The following AP3B1 variants were observed in gnomAD, a reference collection of about 807,000 sequenced individuals.
AP3B1 encodes adaptor related protein complex 3 subunit beta 1.
Under a neutral mutation model 132.5 loss-of-function variants are expected in AP3B1, and 61 were observed. That is an observed-to-expected ratio of 0.46 (90% CI 0.37 to 0.57). The LOEUF (loss-of-function observed/expected upper bound fraction) is 0.57, where lower values mean the gene tolerates loss of function less well. AP3B1 is among the 20% of genes least tolerant of loss of function. The pLI, the probability that AP3B1 is intolerant of heterozygous loss-of-function variation, is 0.00. For synonymous variants in AP3B1, 388 were observed against 438.3 expected (o/e 0.89, Z 1.43); for missense variants, 1,120 against 1,289.4 (o/e 0.87, Z 2.01).
At chr5:78,199,009 C>T (rs187387579) in intron 7 of AP3B1, among the ~76,000 whole-genome samples, 1 of 152,248 alleles carries the variant, frequency 6.6e-6, no homozygotes, top group Admixed American at 6.5e-5. Context: ...CTATGCTATA[C>T]ACTTTACATG....
intron 4 of AP3B1, 92 bp downstream of exon 4, chr5:78,228,052 A>G (rs1746472019): frequency 1.2e-6 from 1 of 818,178 alleles, no homozygotes; most frequent in African/African-American, 1.7e-5. Flanking sequence ...CTACTGTGCT[A>G]TTTAGTGGAT....
chr5:78,235,666 C>T (rs1443677647), intron 3 of AP3B1, among the ~76,000 whole-genome samples: 3 of 152,228 alleles, frequency 2.0e-5, no homozygotes, highest in Admixed American at 2.0e-4. Context: ...ACATCATTCT[C>T]TGATCGGTTA....
intron 20 of AP3B1, among the ~76,000 whole-genome samples, chr5:78,106,201 T>C (rs886398108): frequency 1.3e-5 from 2 of 152,190 alleles, no homozygotes; most frequent in Non-Finnish European, 2.9e-5. Context: ...CCCATGCCTG[T>C]AATCCCAGCA....
chr5:78,070,657 T>A (rs1012148633), intron 22 of AP3B1, among the ~76,000 whole-genome samples: 2 of 150,618 alleles, frequency 1.3e-5, no homozygotes, highest in Non-Finnish European at 2.9e-5. Flanking sequence ...TTGCAATCTA[T>A]CCATTTGACA....
At chr5:78,277,216 T>G (rs896912383) in intron 1 of AP3B1, among the ~76,000 whole-genome samples, 1 of 152,218 alleles carries the variant, frequency 6.6e-6, no homozygotes, top group African/African-American at 2.4e-5. Flanking sequence ...TAGGTTGTCA[T>G]GAAGACTTAA....
At chr5:78,186,520 C>T (rs1744613273) in intron 7 of AP3B1, among the ~76,000 whole-genome samples, 1 of 152,082 alleles carries the variant, frequency 6.6e-6, no homozygotes, top group Non-Finnish European at 1.5e-5. Context: ...TCAGTTTTGA[C>T]TGTATCAATG....
chr5:78,176,110 C>T (rs1328209877), intron 9 of AP3B1, among the ~76,000 whole-genome samples: 1 of 151,922 alleles, frequency 6.6e-6, no homozygotes, highest in Non-Finnish European at 1.5e-5. Flanking sequence ...AACATTGTAC[C>T]TGCTTTGAAC....
At chr5:78,185,842 C>A (rs889325602) in intron 7 of AP3B1, among the ~76,000 whole-genome samples, 12 of 152,122 alleles carry the variant, frequency 7.9e-5, no homozygotes, top group African/African-American at 2.7e-4. Context: ...TGTGCTCCAG[C>A]CTGGGTGACA....
chr5:78,037,181 C>T (rs1231234618), intron 23 of AP3B1, among the ~76,000 whole-genome samples: 3 of 152,144 alleles, frequency 2.0e-5, no homozygotes, highest in Non-Finnish European at 4.4e-5. Context: ...AAGGTCAACT[C>T]ATCAACTCAT....
intron 24 of AP3B1, among the ~76,000 whole-genome samples, chr5:78,024,946 G>T (rs1375990370): frequency 2.1e-5 from 3 of 144,802 alleles, no homozygotes; most frequent in East Asian, 4.0e-4. Flanking sequence ...TGATCCTCCT[G>T]CCTTGGCCTC....
At chr5:78,148,851 T>C (rs1753523697) in intron 14 of AP3B1, among the ~76,000 whole-genome samples, 1 of 152,210 alleles carries the variant, frequency 6.6e-6, no homozygotes, top group African/African-American at 2.4e-5. Context: ...TCATTAGCTA[T>C]TGGTTAGACA....
rs2018827 is a variant in AP3B1 at position 78,106,237 on chromosome 5, C to G, written c.2397+3970G>C. 6.6e-3 allele frequency among the ~76,000 whole-genome samples: 1,003 copies of G among 152,072 alleles called. 9 individuals are homozygous for G. The highest frequency in any genetic ancestry group is 0.023 in the African/African-American group (954 of 41,486). ...CTTTGGGAGGCTGAGGTGGGTGGAT[C>G]GCTTGAGCCCAGGAGGTCGAGACCA... On this transcript the variant is annotated intron_variant, in intron 20 of 26. Coordinates refer to ENST00000255194, the MANE Select transcript of AP3B1 (RefSeq NM_003664.5).
chr5:78,154,468 G>A (rs1254979177), intron 14 of AP3B1, among the ~76,000 whole-genome samples: 1 of 152,012 alleles, frequency 6.6e-6, no homozygotes, highest in Non-Finnish European at 1.5e-5. Flanking sequence ...TAACCTTCTT[G>A]TACTTCAATG....
intron 12 of AP3B1, among the ~76,000 whole-genome samples, chr5:78,163,695 A>AT (rs1743494067): frequency 6.6e-6 from 1 of 150,394 alleles, no homozygotes; most frequent in Non-Finnish European, 1.5e-5. Context: ...AAATTTAAAA[A>AT]TAAAGAAATA....
At chr5:78,143,132 T>G (rs1464961009) in intron 14 of AP3B1, among the ~76,000 whole-genome samples, 1 of 152,088 alleles carries the variant, frequency 6.6e-6, no homozygotes, top group African/African-American at 2.4e-5. Context: ...AAAATCAGAA[T>G]TCTATGACAT....
At chr5:78,231,011 T>C (rs893104420) in intron 3 of AP3B1, among the ~76,000 whole-genome samples, 5 of 151,396 alleles carry the variant, frequency 3.3e-5, no homozygotes, top group African/African-American at 4.9e-5. Context: ...TCCCAGCTAC[T>C]GGGAAGGCTG....
intron 26 of AP3B1, among the ~76,000 whole-genome samples, chr5:78,014,117 C>G (rs1222036426): frequency 6.6e-6 from 1 of 151,936 alleles, no homozygotes; most frequent in Non-Finnish European, 1.5e-5. Context: ...GAGCCGAGAT[C>G]GCGCCACTGC....
intron 18 of AP3B1, 90 bp from the exon 19 acceptor site, chr5:78,114,013 A>G: frequency 6.9e-7 from 1 of 1,440,262 alleles, no homozygotes; most frequent in South Asian, 1.2e-5. Context: ...CACAAATGAA[A>G]CCAGATGTTG....
chr5:78,156,155 AC>A, intron 14 of AP3B1, 102 bp downstream of exon 14: 1 of 808,950 alleles, frequency 1.2e-6, no homozygotes. Flanking sequence ...GAATCCAGAC[AC>A]TTCAGCTCTC....
Sources: gnomAD v4.1 joint callset for allele counts (sites outside exome capture counted in the v4.1 genomes callset) on GRCh38, gnomAD v4.1.1 for gene constraint, MANE v1.5 for transcripts, NCBI Gene and HGNC (gene_info 2026-07-23, HGNC 2026-07-21) for gene names.